The following OCA2 variants were observed in gnomAD, a reference collection of about 807,000 sequenced individuals.
OCA2 encodes OCA2 melanosomal transmembrane protein, also known as P protein.
A neutral mutation model predicts 100.2 loss-of-function variants in OCA2; 77 were observed. The ratio of observed to expected loss-of-function variants is 0.77; its 90% CI spans 0.64 to 0.93. The LOEUF (loss-of-function observed/expected upper bound fraction) is 0.93, where lower values mean the gene tolerates loss of function less well. OCA2 is among the 40% of genes least tolerant of loss of function. OCA2 has a pLI of 0.00. For synonymous variants in OCA2, 432 were observed against 439.2 expected (o/e 0.98, Z 0.21); for missense variants, 1,062 against 1,089.1 (o/e 0.98, Z 0.35).
chr15:27,955,355 G>A (rs112245705), intron 16 of OCA2, 140 bp from the exon 17 acceptor site: 16 of 727,342 alleles, frequency 2.2e-5, no homozygotes, highest in Admixed American at 8.4e-5. Flanking sequence ...ATGGGGGGCC[G>A]GTGGGGCTTC....
chr15:28,063,129 T>C (rs2043924950), intron 2 of OCA2, among the ~76,000 whole-genome samples: 1 of 152,180 alleles, frequency 6.6e-6, no homozygotes, highest in Non-Finnish European at 1.5e-5. Flanking sequence ...AGTAAGTATA[T>C]CTTCTTGATG....
intron 23 of OCA2, among the ~76,000 whole-genome samples, chr15:27,821,545 A>C (rs1001040434): frequency 7.2e-5 from 11 of 152,186 alleles, no homozygotes; most frequent in African/African-American, 2.7e-4. Context: ...ATGCACACAT[A>C]CATGCACACA....
intron 2 of OCA2, among the ~76,000 whole-genome samples, chr15:28,075,882 G>C (rs1256997820): frequency 6.6e-6 from 1 of 152,230 alleles, no homozygotes; most frequent in Non-Finnish European, 1.5e-5. Flanking sequence ...GTGCTGACGG[G>C]AAAAGGAAGC....
At chr15:27,805,899 C>G (rs1488662069) in intron 23 of OCA2, among the ~76,000 whole-genome samples, 2 of 152,228 alleles carry the variant, frequency 1.3e-5, no homozygotes, top group Admixed American at 6.5e-5. Context: ...GAGCCTGGCT[C>G]TCCAGAGCCA....
the OCA2 span, among the ~76,000 whole-genome samples, chr15:27,732,219 T>C: frequency 6.6e-6 from 1 of 152,168 alleles, no homozygotes; most frequent in African/African-American, 2.4e-5. Flanking sequence ...CCATCATGCA[T>C]GAAAATTGTG....
chr15:28,094,228 C>T (rs1054864710), intron 1 of OCA2, among the ~76,000 whole-genome samples: 1 of 152,148 alleles, frequency 6.6e-6, no homozygotes, highest in East Asian at 1.9e-4. Flanking sequence ...GCACACAGCC[C>T]GTCCTCTGGG....
chr15:27,956,162 C>A (rs2040216494), intron 16 of OCA2, among the ~76,000 whole-genome samples: 1 of 152,034 alleles, frequency 6.6e-6, no homozygotes, highest in Non-Finnish European at 1.5e-5. Flanking sequence ...TCAGCCTGAC[C>A]AACACGGAGA....
intron 19 of OCA2, chr15:27,896,103 C>T: frequency 1.7e-6 from 2 of 1,155,406 alleles, no homozygotes; most frequent in South Asian, 1.2e-5. Context: ...CATTGATGGT[C>T]AGCCAAGTGC....
intron 9 of OCA2, among the ~76,000 whole-genome samples, chr15:28,006,937 G>A (rs977284457): frequency 6.6e-6 from 1 of 152,148 alleles, no homozygotes; most frequent in South Asian, 2.1e-4. Context: ...ATTAAAAATG[G>A]AAACTCCCTG....
intron 13 of OCA2, 149 bp downstream of exon 13, chr15:27,984,915 G>A (rs1217000428): frequency 2.2e-6 from 2 of 906,368 alleles, no homozygotes; most frequent in South Asian, 1.4e-5. Flanking sequence ...AAGCAGACAC[G>A]AGCTGGACTG....
chr15:27,783,469 C>T (rs2032649713), intron 23 of OCA2, among the ~76,000 whole-genome samples: 1 of 152,132 alleles, frequency 6.6e-6, no homozygotes, highest in Non-Finnish European at 1.5e-5. Context: ...AAAAACTTTT[C>T]TTGAATGCAT....
intron 18 of OCA2, among the ~76,000 whole-genome samples, chr15:27,941,503 C>T (rs2140498375): frequency 6.6e-6 from 1 of 152,010 alleles, no homozygotes; most frequent in African/African-American, 2.4e-5. Flanking sequence ...TTTGCTCTAC[C>T]CCCAAATTCA....
At chr15:27,851,205 G>T (rs563385581) in intron 22 of OCA2, among the ~76,000 whole-genome samples, 177 bp downstream of exon 22, 2 of 152,310 alleles carry the variant, frequency 1.3e-5, no homozygotes, top group Non-Finnish European at 2.9e-5. Context: ...GCAGAGAATG[G>T]GAAGGAACGG....
intron 1 of OCA2, among the ~76,000 whole-genome samples, chr15:28,094,996 G>C (rs1017381341): frequency 1.1e-4 from 16 of 152,272 alleles, no homozygotes; most frequent in African/African-American, 3.1e-4. Context: ...GCGTACAGGA[G>C]CCTGGGTCAC....
chr15:27,878,591 C>G (rs2036884927), intron 19 of OCA2, among the ~76,000 whole-genome samples: 1 of 152,112 alleles, frequency 6.6e-6, no homozygotes, highest in Non-Finnish European at 1.5e-5. Flanking sequence ...AAATCATAGT[C>G]CCTTGCATGT....
chr15:28,051,738 C>T (rs1356135232), intron 2 of OCA2, among the ~76,000 whole-genome samples: 1 of 151,862 alleles, frequency 6.6e-6, no homozygotes, highest in African/African-American at 2.4e-5. Context: ...TCCTCCTGTC[C>T]CAGCCTCCAG....
chr15:27,897,058 TG>T (rs949294659), intron 19 of OCA2, among the ~76,000 whole-genome samples: 6 of 151,622 alleles, frequency 4.0e-5, no homozygotes, highest in African/African-American at 1.5e-4. Context: ...GGTGTGGTGG[TG>T]GGTGCCTGTA....
chr15:27,973,058 TG>T (rs1396892132), intron 14 of OCA2, among the ~76,000 whole-genome samples: 1 of 151,846 alleles, frequency 6.6e-6, no homozygotes, highest in African/African-American at 2.4e-5. Context: ...TTAGTAGAGA[TG>T]GGGTTTCACC....
chr15:27,856,404 G>A (rs2035949122), intron 21 of OCA2, among the ~76,000 whole-genome samples: 1 of 152,132 alleles, frequency 6.6e-6, no homozygotes, highest in African/African-American at 2.4e-5. Flanking sequence ...AAAGGGTTTT[G>A]GTGAATTTTG....
Sources: allele counts gnomAD v4.1 joint callset (sites outside exome capture counted in the v4.1 genomes callset), GRCh38; gene constraint gnomAD v4.1.1; transcripts MANE v1.5; gene names NCBI Gene and HGNC (gene_info 2026-07-23, HGNC 2026-07-21).